YJU2: variants seen among roughly 807,000 people sequenced by gnomAD.
YJU2 encodes splicing factor YJU2.
In YJU2, 28 loss-of-function variants were observed where a neutral mutation model predicts 39.6. The ratio of observed to expected loss-of-function variants is 0.71; its 90% CI spans 0.52 to 0.97. The LOEUF is 0.97. YJU2 is among the 50% of genes least tolerant of loss of function. YJU2 has a pLI of 0.00. For missense variants in YJU2, 328 were observed against 430.4 expected (o/e 0.76, Z 2.11); for synonymous variants, 184 against 182.4 (o/e 1.01, Z -0.07).
Position 4,251,123 on chromosome 19 carries a change from C to T in YJU2, c.222C>T (p.Phe74=). The change falls in exon 3 of 8, where the codon TTC becomes TTT. Residue 74 remains phenylalanine, a synonymous_variant. Coordinates refer to ENST00000262962, the MANE Select transcript of YJU2 (RefSeq NM_018074.6). The part of the protein sequence containing the change: ...QNEVYLGLPI[F]RFYIKCTRCL... Reference sequence around the variant, plus strand: ...AGGTCTACCTGGGCCTGCCCATCTTCCGCTTTTACATCAAGTGCACGCGCT... The same window carrying T: ...AGGTCTACCTGGGCCTGCCCATCTTTCGCTTTTACATCAAGTGCACGCGCT... 6.2e-7 allele frequency: 1 copy of T among 1,614,226 alleles called. No individual in the cohort carries two copies. The highest frequency in any genetic ancestry group is 8.5e-7 in the Non-Finnish European group (1 of 1,180,032).
rs1167223559 is a variant in YJU2 at position 4,247,181 on chromosome 19, G to C, written c.24+11G>C. On this transcript the variant is annotated intron_variant, in intron 1 of 7. Coordinates refer to ENST00000262962, the MANE Select transcript of YJU2 (RefSeq NM_018074.6). ...CGAAAAGTATTAAACGTAAGTGTTGGGCGACTGGGGCTTTTCAATCGGAGC... is the reference window on the plus strand; with the variant it reads ...CGAAAAGTATTAAACGTAAGTGTTGCGCGACTGGGGCTTTTCAATCGGAGC... 6.2e-7 allele frequency: 1 copy of C among 1,613,172 alleles called. No homozygotes were observed. The highest frequency in any genetic ancestry group is 8.5e-7 in the Non-Finnish European group (1 of 1,179,238).
chr19:4,248,596 T>A (rs1007995743), intron 1 of YJU2, among the ~76,000 whole-genome samples: 9 of 152,130 alleles, frequency 5.9e-5, no homozygotes, highest in African/African-American at 1.9e-4. Context: ...GTCTCCTGCC[T>A]GAACAACAGA....
At chr19:4,254,319 G>T in intron 3 of YJU2, 36 bp from the exon 4 acceptor site, 1 of 1,511,228 alleles carries the variant, frequency 6.6e-7, no homozygotes, top group South Asian at 1.1e-5. Flanking sequence ...AGTGCCTGGG[G>T]ATGTAGGAGC....
At chr19:4,268,335 C>T (rs991481118) in intron 7 of YJU2, among the ~76,000 whole-genome samples, 1 of 152,236 alleles carries the variant, frequency 6.6e-6, no homozygotes, top group African/African-American at 2.4e-5. Flanking sequence ...CATTTCCATT[C>T]TTGGCAGCGC....
rs568108333 is a variant in YJU2, at chr19:4,248,745, C to T, written c.25-483C>T. 2.4e-4 allele frequency among the ~76,000 whole-genome samples: 36 copies of T among 152,088 alleles called. No homozygotes were observed. In the South Asian group the frequency reaches 7.3e-3, roughly 31 times the overall value. ...ACTAGCCTGGCCAACATGGTGAAACCCCATCTCTACTAAAAATACAAAAAT... is the reference window on the plus strand; with the variant it reads ...ACTAGCCTGGCCAACATGGTGAAACTCCATCTCTACTAAAAATACAAAAAT... On this transcript the variant is annotated intron_variant, in intron 1 of 7. Coordinates refer to ENST00000262962, the MANE Select transcript of YJU2 (RefSeq NM_018074.6).
intron 7 of YJU2, 79 bp from the exon 8 acceptor site, chr19:4,268,505 A>C: frequency 1.0e-6 from 1 of 981,094 alleles, no homozygotes; most frequent in Non-Finnish European, 1.6e-6. Flanking sequence ...GCAAACCTGC[A>C]GAGGTGGCCG....
Position 4,247,634 on chromosome 19 carries a change from T to C in YJU2, c.24+464T>C, listed in dbSNP as rs1224290199. ...GTGTGTGTGTGTGTGTGTGTGTGTG[T>C]GTGTGTGTGTGTGTGTGTGTGTGTG... On this transcript the variant is annotated intron_variant, in intron 1 of 7. Coordinates refer to ENST00000262962, the MANE Select transcript of YJU2 (RefSeq NM_018074.6). Among the ~76,000 whole-genome samples, 149 of 40,702 alleles carry C rather than the reference T, an allele frequency of 3.7e-3. 11 individuals are homozygous for C. Among genetic ancestry groups the C allele is most frequent in the East Asian group, 0.012 (14 of 1,210 alleles). The allele number at this position is 40,702 out of a possible 152,430, so 26.7% of individuals were successfully genotyped here. A position where few individuals can be genotyped will look rare whatever the true frequency, so the allele number is the denominator to read the frequency against.
intron 3 of YJU2, among the ~76,000 whole-genome samples, chr19:4,251,702 A>T (rs867597283): frequency 1.9e-4 from 27 of 143,550 alleles, no homozygotes; most frequent in Middle Eastern, 7.1e-3. Context: ...AAAAAAAAAA[A>T]GCCAGGCACA....
Position 4,249,342 on chromosome 19 carries a change from G to A in YJU2, c.125+14G>A, listed in dbSNP as rs529543075. 1.3e-6 allele frequency: 2 copies of A among 1,567,022 alleles called. No homozygotes were observed. The highest frequency in any genetic ancestry group is 2.7e-5 in the African/African-American group (2 of 73,990). On this transcript the variant is annotated intron_variant, in intron 2 of 7. Transcript: ENST00000262962. ...CTTCAACATGAGGTGAGCACCCCCT[G>A]CGTGACCCCACACACCAGTCATGGC...
At chr19:4,247,636 T>C (rs1257841730) in intron 1 of YJU2, among the ~76,000 whole-genome samples, 4,774 of 48,746 alleles carry the variant, frequency 0.098, 1,089 homozygotes, top group African/African-American at 0.16. Context: ...TGTGTGTGTG[T>C]GTGTGTGTGT....
chr19:4,256,785 C>T (rs374644621), intron 4 of YJU2, among the ~76,000 whole-genome samples: 13 of 152,284 alleles, frequency 8.5e-5, no homozygotes, highest in East Asian at 5.8e-4. Flanking sequence ...CTCAGTTCCT[C>T]GCTGTGTGGG....
rs112276530 is a variant in YJU2 at position 4,248,752 on chromosome 19, C to T, written c.25-476C>T. Reference sequence around the variant, plus strand: ...TGGCCAACATGGTGAAACCCCATCTCTACTAAAAATACAAAAATTAGCGGG... The same window carrying T: ...TGGCCAACATGGTGAAACCCCATCTTTACTAAAAATACAAAAATTAGCGGG... On this transcript the variant is annotated intron_variant, in intron 1 of 7. Transcript: ENST00000262962. Among the ~76,000 whole-genome samples the T allele has an allele frequency of 3.1e-3, 466 of 152,228 alleles. 2 individuals carry two copies. Among genetic ancestry groups the T allele is most frequent in the East Asian group, 0.024 (124 of 5,176 alleles).
chr19:4,249,183 T>C, intron 1 of YJU2, 45 bp from the exon 2 acceptor site: 1 of 1,377,190 alleles, frequency 7.3e-7, no homozygotes, highest in Non-Finnish European at 1.0e-6. Context: ...GTCCTGCCCC[T>C]GCTTCTGAAA....
In YJU2 at chr19:4,251,191, A is replaced by G; in HGVS notation, c.270+20A>G. The G allele has an allele frequency of 6.2e-7, 1 of 1,610,194 alleles. No homozygotes were observed. The highest frequency in any genetic ancestry group is 8.5e-7 in the Non-Finnish European group (1 of 1,177,656). ...TTCAAGGTAGGTGAGACGGCCGGCCAGGCCGGTCCCTCTCCCCCAGCACAC... is the reference window on the plus strand; with the variant it reads ...TTCAAGGTAGGTGAGACGGCCGGCCGGGCCGGTCCCTCTCCCCCAGCACAC... On this transcript the variant is annotated intron_variant, in intron 3 of 7. Transcript: ENST00000262962.
Position 4,252,753 on chromosome 19 carries a change from C to T in YJU2, c.270+1582C>T, listed in dbSNP as rs111343025. ...CAGCTTGGGCAACATAGTGAGATCC[C>T]GTCAGTACAAAAAAATATAAAAATT... On this transcript the variant is annotated intron_variant, in intron 3 of 7. Coordinates refer to ENST00000262962, the MANE Select transcript of YJU2 (RefSeq NM_018074.6). 2.8e-3 allele frequency among the ~76,000 whole-genome samples: 417 copies of T among 151,612 alleles called. 1 individual carries two copies. Among genetic ancestry groups the T allele is most frequent in the East Asian group, 0.025 (126 of 5,106 alleles).
intron 6 of YJU2, among the ~76,000 whole-genome samples, chr19:4,265,651 C>T (rs1334855029): frequency 6.6e-6 from 1 of 151,820 alleles, no homozygotes; most frequent in Admixed American, 6.6e-5. Context: ...TGCAGTGGCA[C>T]GGTCTCGGCT....
rs1322849387 is a variant in YJU2 at position 4,247,091 on chromosome 19, A to T, written c.-56A>T. ...GTAAGGCTTCCGTCGGAAAAGCTCG[A>T]TAATTACCCAGCCTAACCATTTCTC... On this transcript the variant is annotated 5_prime_UTR_variant, in exon 1 of 8. Coordinates refer to ENST00000262962, the MANE Select transcript of YJU2 (RefSeq NM_018074.6). The T allele has an allele frequency of 2.5e-6, 4 of 1,569,058 alleles. No individual in the cohort carries two copies. The East Asian group carries it at 9.0e-5, about 35-fold the overall frequency.
chr19:4,267,488 T>G, intron 6 of YJU2, 136 bp from the exon 7 acceptor site: 1 of 901,736 alleles, frequency 1.1e-6, no homozygotes, highest in African/African-American at 1.7e-5. Flanking sequence ...CATAGAGGAG[T>G]TTAGAGCAGA....
intron 2 of YJU2, 50 bp downstream of exon 2, chr19:4,249,378 A>G (rs1174348460): frequency 8.2e-7 from 1 of 1,223,864 alleles, no homozygotes; most frequent in Non-Finnish European, 1.2e-6. Context: ...TGAAGGACGC[A>G]GTGCCTGGCA....
Sources: gnomAD v4.1 joint callset for allele counts (sites outside exome capture counted in the v4.1 genomes callset) on GRCh38, gnomAD v4.1.1 for gene constraint, MANE v1.5 for transcripts, NCBI Gene and HGNC (gene_info 2026-07-23, HGNC 2026-07-21) for gene names.